Variants in KLHL34 observed in about 807,000 individuals in gnomAD.
The protein encoded by KLHL34 is kelch-like protein 34.
KLHL34 carries 24 observed loss-of-function variants against 23.8 expected under a neutral mutation model. The observed-to-expected ratio is 1.01, with a 90% CI of 0.73 to 1.42. KLHL34 has a LOEUF of 1.42. Ranked by LOEUF, KLHL34 falls within the 40% of genes most tolerant of loss-of-function variation. The probability of loss-of-function intolerance (pLI) is 0.00; values close to 1 mark genes in which losing one functional copy is unlikely to be tolerated. For synonymous variants in KLHL34, 303 were observed against 287.9 expected (o/e 1.05, Z -0.53); for missense variants, 652 against 595.1 (o/e 1.10, Z -0.99).
At position 21,657,232 on chromosome X, in the gene KLHL34, G is replaced by A. The variant is rs1428098515; in HGVS notation, c.557C>T (p.Pro186Leu). The change falls in exon 1 of 1, where the codon CCC (proline) becomes CTC (leucine). Residue 186 changes from proline (P) to leucine (L), a missense_variant. Coordinates refer to ENST00000379499, the MANE Select transcript of KLHL34 (RefSeq NM_153270.3). ...GGCCTCGGGCACCCGCGCCACGTCG[G>A]GGGCACCCAGTACAGCCCTCAGCGA... ...PTSLRAVLGAPDVARVPEARL... is the reference protein window; with the variant it reads ...PTSLRAVLGALDVARVPEARL... 1 of 1,191,432 alleles carries A rather than the reference G, an allele frequency of 8.4e-7. No homozygotes were observed. Among genetic ancestry groups the A allele is most frequent in the Non-Finnish European group, 1.1e-6 (1 of 886,708 alleles).
rs371294944 is a variant in KLHL34 at position 21,656,707 on chromosome X, A to G, written c.1082T>C (p.Val361Ala). ...AAACAGGAAGTTGCCCGCGGTGCAC[A>G]CGCTGTGCCCCAGCAGTGGTGTGGG... Reference protein sequence around the residue: ...QLPTPLLGHSVCTAGNFLFVL... With the variant: ...QLPTPLLGHSACTAGNFLFVL... Residue 361 changes from valine to alanine, a missense_variant, in exon 1 of 1, where the codon GTG (valine) becomes GCG (alanine). Physicochemically the swap from Val to Ala is moderately conservative, Grantham distance 64. Coordinates refer to ENST00000379499, the MANE Select transcript of KLHL34 (RefSeq NM_153270.3). 171 of 1,207,321 alleles carry G rather than the reference A, an allele frequency of 1.4e-4. No individual in the cohort carries two copies. Among genetic ancestry groups the G allele is most frequent in the Non-Finnish European group, 1.8e-4 (161 of 894,040 alleles).
chrX:21,656,546 G>C lies in KLHL34; in HGVS notation c.1243C>G (p.Arg415Gly), dbSNP rs763099637. The C allele has an allele frequency of 2.5e-6, 3 of 1,198,683 alleles. No homozygotes were observed. The highest frequency in any genetic ancestry group is 2.2e-5 in the Admixed American group (1 of 44,659). ...ACCGCGCCGCACCAGAAGTGGGCCC[G>C]CGCTTCCCGCATGGCGGGCACTTCC... ...WTEVPAMREA[R>G]AHFWCGAVGE... The change falls in exon 1 of 1, where the codon CGG becomes GGG. Residue 415 changes from arginine (R) to glycine (G), a missense_variant. Coordinates refer to ENST00000379499, the MANE Select transcript of KLHL34 (RefSeq NM_153270.3).
rs747946059 is a variant in KLHL34 at position 21,656,742 on chromosome X, A to C, written c.1047T>G (p.Leu349=). 1.4e-5 allele frequency: 17 copies of C among 1,200,738 alleles called. No individual in the cohort carries two copies. The Admixed American group carries it at 3.5e-4, about 25-fold the overall frequency. ...FDVYNHRWRS[L]TQLPTPLLGH... is the part of the protein sequence containing the mutation. ...CCAGCAGTGGTGTGGGTAGCTGCGT[A>C]AGGCTGCGCCAGCGGTGATTGTACA... Residue 349 remains leucine, a synonymous_variant, in exon 1 of 1, where the codon CTT becomes CTG. Transcript: ENST00000379499.
In KLHL34 at chrX:21,657,472, G is replaced by A. The variant is rs775800069; in HGVS notation, c.317C>T (p.Ala106Val). Residue 106 changes from alanine (A) to valine (V), a missense_variant, in exon 1 of 1, where the codon GCC becomes GTC. Physicochemically the swap from Ala to Val is moderately conservative, Grantham distance 64 (BLOSUM62 0). Transcript: ENST00000379499. Reference sequence around the variant, plus strand: ...GGCCTCAGTGACCTGCAGGTAGCTGGCGGCCTCCAGAGTGTCCTCTACAGT... The same window carrying A: ...GGCCTCAGTGACCTGCAGGTAGCTGACGGCCTCCAGAGTGTCCTCTACAGT... ...MDTVEDTLEAASYLQVTEALG... is the reference protein window; with the variant it reads ...MDTVEDTLEAVSYLQVTEALG... 4.1e-6 allele frequency: 5 copies of A among 1,209,885 alleles called. No individual in the cohort carries two copies. The highest frequency in any genetic ancestry group is 2.2e-6 in the Non-Finnish European group (2 of 894,766).
At position 21,656,714 on chromosome X, in the gene KLHL34, G is replaced by A. The variant is rs765039244; in HGVS notation, c.1075C>T (p.His359Tyr). The A allele has an allele frequency of 8.3e-7, 1 of 1,207,653 alleles. No individual in the cohort carries two copies. Among genetic ancestry groups the A allele is most frequent in the Non-Finnish European group, 1.1e-6 (1 of 893,791 alleles). ...AAGTTGCCCGCGGTGCACACGCTGT[G>A]CCCCAGCAGTGGTGTGGGTAGCTGC... ...LTQLPTPLLG[H>Y]SVCTAGNFLF... Residue 359 changes from histidine (H) to tyrosine (Y), a missense_variant, in exon 1 of 1, where the codon CAC becomes TAC. Coordinates refer to ENST00000379499, the MANE Select transcript of KLHL34 (RefSeq NM_153270.3).
rs374517026 is a variant in KLHL34, at chrX:21,657,344, C to T, written c.445G>A (p.Ala149Thr). ...ARFGLAHTLD[A>T]AERCIVSHLQ... is the part of the protein sequence containing the mutation. ...TGGCTCACGATGCAGCGCTCGGCCGCGTCCAGCGTGTGAGCCAGGCCAAAG... is the reference window on the plus strand; with the variant it reads ...TGGCTCACGATGCAGCGCTCGGCCGTGTCCAGCGTGTGAGCCAGGCCAAAG... The change falls in exon 1 of 1, where the codon GCG (alanine) becomes ACG (threonine). Residue 149 changes from alanine to threonine, a missense_variant. By Grantham distance (58) the Ala-to-Thr change is moderately conservative (BLOSUM62 0). Transcript: ENST00000379499. The T allele has an allele frequency of 9.5e-6, 11 of 1,159,881 alleles. No individual in the cohort carries two copies. Among genetic ancestry groups the T allele is most frequent in the Middle Eastern group, 2.4e-4 (1 of 4,094 alleles).
In KLHL34 at chrX:21,655,214, T is replaced by TAA. The variant is rs201440389; in HGVS notation, c.*638_*639dup. The TAA allele has an allele frequency of 9.2e-6, 1 of 109,081 alleles. No individual in the cohort carries two copies. Among genetic ancestry groups the TAA allele is most frequent in the African/African-American group, 3.4e-5 (1 of 29,666 alleles). The allele number at this position is 109,081 out of a possible 1,213,427, so 9.0% of individuals were successfully genotyped here. A position where few individuals can be genotyped will look rare whatever the true frequency, so the allele number is the denominator to read the frequency against. Reference sequence around the variant, plus strand: ...AAAAATTTAAGGATACTTTCTAGATTAAAAAAAAGTGCTTAGAGATTTTTT... The same window carrying TAA: ...AAAAATTTAAGGATACTTTCTAGATTAAAAAAAAAAGTGCTTAGAGATTTTTT... On this transcript the variant is annotated 3_prime_UTR_variant, in exon 1 of 1. Coordinates refer to ENST00000379499, the MANE Select transcript of KLHL34 (RefSeq NM_153270.3).
At position 21,656,784 on chromosome X, in the gene KLHL34, G is replaced by T. The variant is rs772088780; in HGVS notation, c.1005C>A (p.Asn335Lys). 3.3e-6 allele frequency: 4 copies of T among 1,195,719 alleles called. No individual in the cohort carries two copies. Among genetic ancestry groups the T allele is most frequent in the Middle Eastern group, 2.3e-4 (1 of 4,290 alleles). ...GATTGTACACATCGAAGGCCACCAC[G>T]TTCTGGGTGAGCTCCCACTCCTCCT... ...EEEEEWELTQ[N>K]VVAFDVYNHR... is the part of the protein sequence containing the mutation. The change falls in exon 1 of 1, where the codon AAC (asparagine) becomes AAA (lysine). Residue 335 changes from asparagine to lysine, a missense_variant. Asn to Lys is a moderately conservative substitution (Grantham distance 94, BLOSUM62 0). Coordinates refer to ENST00000379499, the MANE Select transcript of KLHL34 (RefSeq NM_153270.3).
At position 21,657,526 on chromosome X, in the gene KLHL34, T is replaced by A. The variant is rs148155634; in HGVS notation, c.263A>T (p.Tyr88Phe). Residue 88 changes from tyrosine (Y) to phenylalanine (F), a missense_variant, in exon 1 of 1, where the codon TAC becomes TTC. Coordinates refer to ENST00000379499, the MANE Select transcript of KLHL34 (RefSeq NM_153270.3). ...CATGGAAAGCGACAGCCAGGCAGTG[T>A]AGATGAAGTCCAGCAGGCGCTGCAG... The part of the protein sequence containing the change: ...AGLQRLLDFI[Y>F]TAWLSLSMDT... 51 of 1,209,914 alleles carry A rather than the reference T, an allele frequency of 4.2e-5. No homozygotes were observed. In the Middle Eastern group the frequency reaches 2.1e-3, roughly 49 times the overall value.
In KLHL34 at chrX:21,656,085, C is replaced by T; in HGVS notation, c.1704G>A (p.Val568=). ...PYDRFCYGLA[V]VEETALLLGG... ...CCAGCAGCAACGCTGTCTCCTCGACCACGGCCAGCCCATAGCAGAAGCGGT... is the reference window on the plus strand; with the variant it reads ...CCAGCAGCAACGCTGTCTCCTCGACTACGGCCAGCCCATAGCAGAAGCGGT... Residue 568 remains valine (V), a synonymous_variant, in exon 1 of 1, where the codon GTG becomes GTA. Coordinates refer to ENST00000379499, the MANE Select transcript of KLHL34 (RefSeq NM_153270.3). 1 of 1,186,676 alleles carries T rather than the reference C, an allele frequency of 8.4e-7. No individual in the cohort carries two copies. Among genetic ancestry groups the T allele is most frequent in the Non-Finnish European group, 1.1e-6 (1 of 881,638 alleles).
In KLHL34 at chrX:21,657,100, G is replaced by C; in HGVS notation, c.689C>G (p.Ala230Gly). The change falls in exon 1 of 1, where the codon GCC (alanine) becomes GGC (glycine). Residue 230 changes from alanine to glycine, a missense_variant. Ala to Gly is a moderately conservative substitution (Grantham distance 60). Transcript: ENST00000379499. ...LERVRFGLVPADVLRRVYSGS... is the reference protein window; with the variant it reads ...LERVRFGLVPGDVLRRVYSGS... ...CGAGTACACGCGCCGCAGTACGTCG[G>C]CGGGAACCAGGCCAAAGCGGACACG... The C allele has an allele frequency of 8.3e-7, 1 of 1,206,416 alleles. No individual in the cohort carries two copies.
At position 21,657,134 on chromosome X, in the gene KLHL34, A is replaced by G. The variant is rs2092734403; in HGVS notation, c.655T>C (p.Leu219=). 8.3e-7 allele frequency: 1 copy of G among 1,205,181 alleles called. No individual in the cohort carries two copies. The highest frequency in any genetic ancestry group is 1.1e-6 in the Non-Finnish European group (1 of 893,945). The part of the protein sequence containing the change: ...TTERLAHCTE[L]LERVRFGLVP... Reference sequence around the variant, plus strand: ...AGGCCAAAGCGGACACGCTCCAGCAACTCTGTACAGTGTGCCAGGCGCTCA... The same window carrying G: ...AGGCCAAAGCGGACACGCTCCAGCAGCTCTGTACAGTGTGCCAGGCGCTCA... The change falls in exon 1 of 1, where the codon TTG becomes CTG. Residue 219 remains leucine, a synonymous_variant. Transcript: ENST00000379499.
At position 21,656,735 on chromosome X, in the gene KLHL34, G is replaced by A; in HGVS notation, c.1054C>T (p.Leu352=). The A allele has an allele frequency of 1.7e-6, 2 of 1,199,122 alleles. No homozygotes were observed. Among genetic ancestry groups the A allele is most frequent in the Non-Finnish European group, 2.2e-6 (2 of 889,324 alleles). ...YNHRWRSLTQ[L]PTPLLGHSVC... ...CTGTGCCCCAGCAGTGGTGTGGGTA[G>A]CTGCGTAAGGCTGCGCCAGCGGTGA... Residue 352 remains leucine (L), a synonymous_variant, in exon 1 of 1, where the codon CTA becomes TTA. Coordinates refer to ENST00000379499, the MANE Select transcript of KLHL34 (RefSeq NM_153270.3).
In KLHL34 at chrX:21,657,421, T is replaced by A; in HGVS notation, c.368A>T (p.Glu123Val). 8.4e-7 allele frequency: 1 copy of A among 1,190,741 alleles called. No individual in the cohort carries two copies. Among genetic ancestry groups the A allele is most frequent in the Non-Finnish European group, 1.1e-6 (1 of 885,057 alleles). ...GCAGTTCTCTGGAGCCAGCTGGCGC[T>A]CCAAGTAGCGCCCACAGAGCCCCAG... The part of the protein sequence containing the change: ...EALGLCGRYL[E>V]RQLAPENCCF... Residue 123 changes from glutamate to valine, a missense_variant, in exon 1 of 1, where the codon GAG becomes GTG. Transcript: ENST00000379499.
chrX:21,656,383 G>C lies in KLHL34; in HGVS notation c.1406C>G (p.Ala469Gly). 8.4e-7 allele frequency: 1 copy of C among 1,193,892 alleles called. No individual in the cohort carries two copies. Among genetic ancestry groups the C allele is most frequent in the Non-Finnish European group, 1.1e-6 (1 of 888,125 alleles). The change falls in exon 1 of 1, where the codon GCC becomes GGC. Residue 469 changes from alanine to glycine, a missense_variant. Transcript: ENST00000379499. ...LPRALHGHAG[A>G]VGDRGVVYIS... ...GTACACAACACCGCGGTCCCCGACG[G>C]CCCCCGCGTGACCGTGCAGAGCCCG... is the stretch of plus-strand genomic sequence containing the variant.
At position 21,657,126 on chromosome X, in the gene KLHL34, C is replaced by A. The variant is rs764073338; in HGVS notation, c.663G>T (p.Glu221Asp). 2.5e-6 allele frequency: 3 copies of A among 1,206,767 alleles called. No individual in the cohort carries two copies. Among genetic ancestry groups the A allele is most frequent in the South Asian group, 3.5e-5 (2 of 56,469 alleles). ...ERLAHCTELL[E>D]RVRFGLVPAD... is the part of the protein sequence containing the mutation. ...CGGGAACCAGGCCAAAGCGGACACG[C>A]TCCAGCAACTCTGTACAGTGTGCCA... Residue 221 changes from glutamate to aspartate, a missense_variant, in exon 1 of 1, where the codon GAG (glutamate) becomes GAT (aspartate). Glu to Asp is a conservative substitution (Grantham distance 45). Transcript: ENST00000379499.
rs1435409905 is a variant in KLHL34, at chrX:21,656,560, G to A, written c.1229C>T (p.Ala410Val). The change falls in exon 1 of 1, where the codon GCC becomes GTC. Residue 410 changes from alanine (A) to valine (V), a missense_variant. Transcript: ENST00000379499. Reference protein sequence around the residue: ...PRFHAWTEVPAMREARAHFWC... With the variant: ...PRFHAWTEVPVMREARAHFWC... ...GAAGTGGGCCCGCGCTTCCCGCATG[G>A]CGGGCACTTCCGTCCAAGCGTGGAA... 8.3e-7 allele frequency: 1 copy of A among 1,200,590 alleles called. No individual in the cohort carries two copies. The highest frequency in any genetic ancestry group is 1.8e-5 in the South Asian group (1 of 55,360).
chrX:21,657,114 A>G lies in KLHL34; in HGVS notation c.675T>C (p.Phe225=), dbSNP rs765488820. The change falls in exon 1 of 1, where the codon TTT becomes TTC. Residue 225 remains phenylalanine (F), a synonymous_variant. Coordinates refer to ENST00000379499, the MANE Select transcript of KLHL34 (RefSeq NM_153270.3). ...GCAGTACGTCGGCGGGAACCAGGCCAAAGCGGACACGCTCCAGCAACTCTG... is the reference window on the plus strand; with the variant it reads ...GCAGTACGTCGGCGGGAACCAGGCCGAAGCGGACACGCTCCAGCAACTCTG... The part of the protein sequence containing the change: ...HCTELLERVR[F]GLVPADVLRR... The G allele has an allele frequency of 2.0e-4, 241 of 1,206,216 alleles. No homozygotes were observed. Among genetic ancestry groups the G allele is most frequent in the Non-Finnish European group, 2.6e-4 (234 of 894,196 alleles).
Position 21,657,880 on chromosome X carries a change from C to T in KLHL34, c.-92G>A. ...GGGCACAACACTCCCGGGACCCCCG[C>T]GTAAGCCACAGAGCCCCTAGCAGGG... On this transcript the variant is annotated 5_prime_UTR_variant, in exon 1 of 1. Transcript: ENST00000379499. 8.0e-6 allele frequency: 9 copies of T among 1,126,482 alleles called. No homozygotes were observed. Among genetic ancestry groups the T allele is most frequent in the Non-Finnish European group, 1.1e-5 (9 of 854,211 alleles). 92.8% of individuals were successfully genotyped at this position (1,126,482 alleles called of 1,213,427 possible).
Sources: gnomAD v4.1 joint callset for allele counts on GRCh38, gnomAD v4.1.1 for gene constraint, MANE v1.5 for transcripts, NCBI Gene and HGNC (gene_info 2026-07-23, HGNC 2026-07-21) for gene names.